CELF2: variants seen among roughly 807,000 people sequenced by gnomAD.
The protein encoded by CELF2 is CUGBP Elav-like family member 2.
In CELF2, 8 loss-of-function variants were observed where a neutral mutation model predicts 62.6. The ratio of observed to expected loss-of-function variants is 0.13; its 90% CI spans 0.07 to 0.23. The LOEUF (loss-of-function observed/expected upper bound fraction) is 0.23, where lower values mean the gene tolerates loss of function less well. Ranked by LOEUF, CELF2 falls within the 10% of genes least tolerant of loss-of-function variation. CELF2 has a pLI of 1.00. For missense variants in CELF2, 333 were observed against 671.0 expected, an observed-to-expected ratio of 0.50 and a Z score of 5.56; for synonymous variants, 258 against 250.0, an observed-to-expected ratio of 1.03 and a Z score of -0.30.
chr10:10,797,046 G>C (rs1486571531), upstream of CELF2: 1 of 256,376 alleles, frequency 3.9e-6, no homozygotes, highest in African/African-American at 2.3e-5. Flanking sequence ...TAAGATCCAC[G>C]GGTCCATGGA....
At chr10:10,555,923 C>A in the CELF2 span, among the ~76,000 whole-genome samples, 2 of 152,146 alleles carry the variant, frequency 1.3e-5, no homozygotes, top group Non-Finnish European at 2.9e-5. Flanking sequence ...TGACTGTATG[C>A]AGTCTTTTCT....
At chr10:10,987,436 C>T (rs548255938) in intron 2 of CELF2, among the ~76,000 whole-genome samples, 109 of 152,028 alleles carry the variant, frequency 7.2e-4, no homozygotes, top group Non-Finnish European at 1.1e-3. Context: ...GTCACAACAG[C>T]GCTGTATTAA....
At chr10:10,783,694 G>C in the CELF2 span, among the ~76,000 whole-genome samples, 1 of 152,290 alleles carries the variant, frequency 6.6e-6, no homozygotes, top group East Asian at 1.9e-4. Flanking sequence ...AATCAGAACT[G>C]CATGTCATGG....
the CELF2 span, among the ~76,000 whole-genome samples, chr10:10,759,290 A>ATTTTTCTTT: frequency 4.5e-4 from 49 of 108,394 alleles, 5 homozygotes; most frequent in Non-Finnish European, 4.5e-4. Flanking sequence ...CTCAGTGCCC[A>ATTTTTCTTT]TTTTTCTTTT....
At chr10:11,303,884 G>A (rs965391190) in intron 9 of CELF2, among the ~76,000 whole-genome samples, 4 of 152,120 alleles carry the variant, frequency 2.6e-5, no homozygotes, top group Admixed American at 6.5e-5. Flanking sequence ...TTCCGCACGC[G>A]ACTTCACTTC....
chr10:10,613,972 TA>T, the CELF2 span, among the ~76,000 whole-genome samples: 3 of 152,190 alleles, frequency 2.0e-5, no homozygotes, highest in Non-Finnish European at 2.9e-5. Flanking sequence ...CCTCAATGTC[TA>T]TAATTTTTAA....
chr10:11,208,719 A>G (rs1277227765), intron 2 of CELF2, among the ~76,000 whole-genome samples: 8 of 152,176 alleles, frequency 5.3e-5, no homozygotes, highest in Non-Finnish European at 1.2e-4. Flanking sequence ...GCTTTGGGGA[A>G]ACGGGGTTCT....
At chr10:11,062,309 T>C (rs555864280) in intron 1 of CELF2, among the ~76,000 whole-genome samples, 6 of 152,358 alleles carry the variant, frequency 3.9e-5, no homozygotes, top group South Asian at 2.1e-4. Context: ...AAGTTCCACA[T>C]TGAGGTCTTA....
chr10:11,325,314 C>CTG (rs778016360), intron 11 of CELF2, among the ~76,000 whole-genome samples: 15 of 152,238 alleles, frequency 9.9e-5, no homozygotes, highest in Non-Finnish European at 2.1e-4. Flanking sequence ...GATTATTAGA[C>CTG]TGTGTGTTAA....
the CELF2 span, among the ~76,000 whole-genome samples, chr10:10,539,275 T>C: frequency 1.3e-5 from 2 of 152,220 alleles, no homozygotes; most frequent in African/African-American, 2.4e-5. Context: ...GCAAAAGGGA[T>C]AATTTAGGTC....
chr10:11,020,288 G>A (rs1427187363), intron 1 of CELF2, among the ~76,000 whole-genome samples: 1 of 152,216 alleles, frequency 6.6e-6, no homozygotes, highest in Admixed American at 6.5e-5. Context: ...GGGAAGAAAA[G>A]AGGATTTGTA....
intron 1 of CELF2, among the ~76,000 whole-genome samples, chr10:11,033,812 C>T (rs2060526871): frequency 6.6e-6 from 1 of 152,202 alleles, no homozygotes; most frequent in African/African-American, 2.4e-5. Context: ...ACAGTCTGTA[C>T]AGCAGATCGA....
the CELF2 span, among the ~76,000 whole-genome samples, chr10:10,677,865 C>G: frequency 6.6e-6 from 1 of 152,152 alleles, no homozygotes; most frequent in African/African-American, 2.4e-5. Context: ...ATCAATAAGA[C>G]TAGCCTGATT....
chr10:10,975,179 G>A (rs2051184902), intron 2 of CELF2, among the ~76,000 whole-genome samples: 1 of 152,154 alleles, frequency 6.6e-6, no homozygotes, highest in Non-Finnish European at 1.5e-5. Context: ...GTGCAATGGT[G>A]CAATCATGGC....
intron 2 of CELF2, among the ~76,000 whole-genome samples, chr10:10,932,976 T>C (rs1007369694): frequency 6.6e-6 from 1 of 152,058 alleles, no homozygotes; most frequent in Admixed American, 6.6e-5. Context: ...AGCTTTAGAA[T>C]GATAGAAGTG....
Position 11,319,793 on chromosome 10 carries a change from C to T in CELF2, c.1097-1396C>T. On this transcript the variant is annotated intron_variant, in intron 10 of 12. Coordinates refer to ENST00000633077, the MANE Select transcript of CELF2 (RefSeq NM_001326342.2). This position sits in a 1 kb window ranked among gnomAD's most constrained non-coding sequence, Gnocchi z 4.4. ...AAGCTATAGCCTAATTCATATCTTA[C>T]ATGTGTCCTTTTAATTGAAGAGGCG... is the stretch of plus-strand genomic sequence containing the variant. 4.2e-6 allele frequency: 2 copies of T among 471,034 alleles called. No individual in the cohort carries two copies. The highest frequency in any genetic ancestry group is 3.3e-4 in the Middle Eastern group (1 of 3,076). 29.2% of individuals were successfully genotyped at this position (471,034 alleles called of 1,614,324 possible).
chr10:10,823,985 GATAC>G (rs1393075536), intron 1 of CELF2, among the ~76,000 whole-genome samples: 1 of 150,742 alleles, frequency 6.6e-6, no homozygotes, highest in Non-Finnish European at 1.5e-5. Flanking sequence ...TAGATAGATA[GATAC>G]ATAGATACAT....
the CELF2 span, among the ~76,000 whole-genome samples, chr10:10,479,182 T>G: frequency 1.3e-5 from 2 of 152,264 alleles, no homozygotes; most frequent in African/African-American, 4.8e-5. Flanking sequence ...TTTTTGTTGT[T>G]TTTTGAGATG....
intron 1 of CELF2, among the ~76,000 whole-genome samples, chr10:10,908,970 G>T (rs145196071): frequency 0.011 from 1,654 of 152,248 alleles, 9 homozygotes; most frequent in Non-Finnish European, 0.015. Context: ...AGTATTTTTA[G>T]TAGAGACAGG....
Sources: gnomAD v4.1 joint callset for allele counts (sites outside exome capture counted in the v4.1 genomes callset) on GRCh38, gnomAD v4.1.1 for gene constraint, Gnocchi (gnomAD v3.1) non-coding constraint, MANE v1.5 for transcripts, NCBI Gene and HGNC (gene_info 2026-07-23, HGNC 2026-07-21) for gene names.